The following ATF7 variants were observed in gnomAD, a reference collection of about 807,000 sequenced individuals.
ATF7 encodes cyclic AMP-dependent transcription factor ATF-7.
A neutral mutation model predicts 50.4 loss-of-function variants in ATF7; 10 were observed. The ratio of observed to expected loss-of-function variants is 0.20; its 90% CI spans 0.12 to 0.34. The LOEUF is 0.34. Ranked by LOEUF, ATF7 falls within the 10% of genes least tolerant of loss-of-function variation. The pLI is 1.00. For synonymous variants in ATF7, 201 were observed against 226.4 expected (o/e 0.89, Z 1.01); for missense variants, 465 against 613.9 (o/e 0.76, Z 2.56).
intron 11 of ATF7, among the ~76,000 whole-genome samples, chr12:53,519,135 C>T (rs1237745827): frequency 2.0e-5 from 3 of 151,678 alleles, no homozygotes; most frequent in Non-Finnish European, 4.4e-5. Context: ...CTGTTTTATT[C>T]TTTGTGTTTT....
At chr12:53,581,021 A>G (rs538576658) in intron 2 of ATF7, among the ~76,000 whole-genome samples, 38 of 152,190 alleles carry the variant, frequency 2.5e-4, no homozygotes, top group African/African-American at 8.2e-4. Flanking sequence ...CTGAGGCAGG[A>G]GAACCATTTG....
chr12:53,548,360 G>C (rs887445810), intron 3 of ATF7, among the ~76,000 whole-genome samples: 2 of 152,040 alleles, frequency 1.3e-5, no homozygotes, highest in African/African-American at 4.8e-5. Context: ...TTAGAGACAA[G>C]GTCTCGATTT....
chr12:53,520,527 CA>C (rs147418854), intron 11 of ATF7, among the ~76,000 whole-genome samples: 1 of 152,144 alleles, frequency 6.6e-6, no homozygotes, highest in East Asian at 1.9e-4. Context: ...ACCCTGCCTC[CA>C]AAAAATCCCA....
In ATF7 at chr12:53,584,312, C is replaced by T. The variant is rs191687395; in HGVS notation, c.48+16641G>A. Among the ~76,000 whole-genome samples, 160 of 152,246 alleles carry T rather than the reference C, an allele frequency of 1.1e-3. 1 individual carries two copies. Among genetic ancestry groups the T allele is most frequent in the African/African-American group, 3.7e-3 (153 of 41,552 alleles). ...TGTTGTTTAATGCAAATTAAAACAACAAAATCCATTACACACCTATTAGAG... is the reference window on the plus strand; with the variant it reads ...TGTTGTTTAATGCAAATTAAAACAATAAAATCCATTACACACCTATTAGAG... On this transcript the variant is annotated intron_variant, in intron 2 of 11. Transcript: ENST00000420353.
chr12:53,562,776 G>A (rs755799669), intron 2 of ATF7, among the ~76,000 whole-genome samples: 3 of 152,040 alleles, frequency 2.0e-5, no homozygotes, highest in Non-Finnish European at 2.9e-5. Flanking sequence ...TCAGGACCAA[G>A]AATACCCTAA....
chr12:53,556,983 C>G (rs1290764203), intron 2 of ATF7, among the ~76,000 whole-genome samples: 1 of 151,762 alleles, frequency 6.6e-6, no homozygotes, highest in Non-Finnish European at 1.5e-5. Flanking sequence ...TTCTTGAACT[C>G]CTGGGCTCAA....
intron 2 of ATF7, among the ~76,000 whole-genome samples, chr12:53,553,852 A>G (rs1940540488): frequency 1.3e-5 from 2 of 152,176 alleles, no homozygotes; most frequent in South Asian, 4.1e-4. Flanking sequence ...TCTTTTCCAA[A>G]GCTCTTCTTG....
At chr12:53,618,373 T>C (rs1447078252) in intron 1 of ATF7, among the ~76,000 whole-genome samples, 2 of 152,176 alleles carry the variant, frequency 1.3e-5, no homozygotes, top group African/African-American at 4.8e-5. Flanking sequence ...CAAAAGAAAA[T>C]GCATTGTTTC....
At chr12:53,523,853 T>C (rs1938268900) in intron 10 of ATF7, among the ~76,000 whole-genome samples, 1 of 152,144 alleles carries the variant, frequency 6.6e-6, no homozygotes, top group African/African-American at 2.4e-5. Context: ...ATCTCCCATA[T>C]CCATGGCTAG....
At chr12:53,593,726 T>C (rs1943040629) in intron 2 of ATF7, among the ~76,000 whole-genome samples, 1 of 152,236 alleles carries the variant, frequency 6.6e-6, no homozygotes, top group Non-Finnish European at 1.5e-5. Context: ...TGAATTTTTT[T>C]AGAAATAAAT....
chr12:53,547,283 C>CTTTT lies in ATF7; in HGVS notation c.146-3839_146-3836dup, dbSNP rs34610513. 6.4e-3 allele frequency among the ~76,000 whole-genome samples: 400 copies of CTTTT among 62,548 alleles called. 29 individuals carry two copies. Among genetic ancestry groups the CTTTT allele is most frequent in the African/African-American group, 0.023 (357 of 15,742 alleles). 41.0% of individuals were successfully genotyped at this position (62,548 alleles called of 152,430 possible). A position where few individuals can be genotyped will look rare whatever the true frequency, so the allele number is the denominator to read the frequency against. ...ACAGGTGTGAGCCACCGTGCCCAGCCTTTTTTTTTTTTTTTTTTTTTGAGA... is the reference window on the plus strand; with the variant it reads ...ACAGGTGTGAGCCACCGTGCCCAGCCTTTTTTTTTTTTTTTTTTTTTTTTTGAGA... On this transcript the variant is annotated intron_variant, in intron 3 of 11. Transcript: ENST00000420353.
At position 53,587,843 on chromosome 12, in the gene ATF7, A is replaced by ATATATATATATAT; in HGVS notation, c.48+13109_48+13110insATATATATATATA. Among the ~76,000 whole-genome samples the ATATATATATATAT allele has an allele frequency of 3.4e-3, 210 of 61,544 alleles. 3 individuals carry two copies. Among genetic ancestry groups the ATATATATATATAT allele is most frequent in the Middle Eastern group, 0.011 (1 of 88 alleles). 40.4% of individuals were successfully genotyped at this position (61,544 alleles called of 152,430 possible). A position where few individuals can be genotyped will look rare whatever the true frequency, so the allele number is the denominator to read the frequency against. ...TACATATATATATATATATATATAT[A>ATATATATATATAT]TTTTTTTTTTTTTTTCTTTTTGACA... On this transcript the variant is annotated intron_variant, in intron 2 of 11. Transcript: ENST00000420353.
intron 11 of ATF7, among the ~76,000 whole-genome samples, chr12:53,517,762 T>G (rs576205185): frequency 1.3e-5 from 2 of 152,264 alleles, no homozygotes; most frequent in Middle Eastern, 6.8e-3. Flanking sequence ...CATGAGCCAC[T>G]GCGCCTGGCC....
At chr12:53,519,612 GA>G (rs1168108553) in intron 11 of ATF7, among the ~76,000 whole-genome samples, 3 of 150,388 alleles carry the variant, frequency 2.0e-5, no homozygotes, top group Non-Finnish European at 4.4e-5. Context: ...TGAGGCAGGA[GA>G]AAAAAAAAGA....
At chr12:53,519,800 G>A (rs1937991525) in intron 11 of ATF7, among the ~76,000 whole-genome samples, 1 of 152,120 alleles carries the variant, frequency 6.6e-6, no homozygotes, top group African/African-American at 2.4e-5. Flanking sequence ...AGGCTGGAGT[G>A]CAGTGGCACT....
At chr12:53,603,838 T>C (rs1489590740) in intron 1 of ATF7, among the ~76,000 whole-genome samples, 1 of 152,104 alleles carries the variant, frequency 6.6e-6, no homozygotes, top group Non-Finnish European at 1.5e-5. Context: ...TATCTAACAC[T>C]TAAAACAAAT....
At position 53,520,137 on chromosome 12, in the gene ATF7, C is replaced by T. The variant is rs368818959; in HGVS notation, c.1235-2783G>A. ...TGTAGCTGGTTTTCCTCCTCACTTC[C>T]TGGTTGTTTCTTCTCAGTCTCTTGT... On this transcript the variant is annotated intron_variant, in intron 11 of 11. Coordinates refer to ENST00000420353, the MANE Select transcript of ATF7 (RefSeq NM_006856.3). Among the ~76,000 whole-genome samples, 247 of 152,300 alleles carry T rather than the reference C, an allele frequency of 1.6e-3. 1 individual carries two copies. Among genetic ancestry groups the T allele is most frequent in the African/African-American group, 5.7e-3 (237 of 41,550 alleles).
At chr12:53,527,181 A>T (rs1321384077) in intron 9 of ATF7, among the ~76,000 whole-genome samples, 1 of 150,108 alleles carries the variant, frequency 6.7e-6, no homozygotes, top group Non-Finnish European at 1.5e-5. Context: ...TAAAATAAAA[A>T]AATTAAAAAG....
chr12:53,534,366 A>G, intron 6 of ATF7, 136 bp downstream of exon 6: 11 of 1,319,390 alleles, frequency 8.3e-6, no homozygotes, highest in Admixed American at 1.8e-5. Context: ...TTTATGGGGG[A>G]AAAATTTATT....
Sources: allele counts gnomAD v4.1 joint callset (sites outside exome capture counted in the v4.1 genomes callset), GRCh38; gene constraint gnomAD v4.1.1; transcripts MANE v1.5; gene names NCBI Gene and HGNC (gene_info 2026-07-23, HGNC 2026-07-21).